Variants in TDRD15 observed in about 807,000 individuals in gnomAD.
TDRD15 encodes the protein tudor domain-containing protein 15.
For synonymous variants in TDRD15, 503 were observed against 314.5 expected (o/e 1.60, Z -6.34); for missense variants, 1,416 against 904.7 (o/e 1.57, Z -7.25).
chr2:21,139,338 C>G lies in TDRD15; in HGVS notation c.1871C>G (p.Ala624Gly), dbSNP rs1338999111. The G allele has an allele frequency of 1.4e-6, 1 of 703,478 alleles. No individual in the cohort carries two copies. The highest frequency in any genetic ancestry group is 1.6e-5 in the South Asian group (1 of 64,278). 43.6% of individuals were successfully genotyped at this position (703,478 alleles called of 1,614,324 possible). ...TTTAAAAAATTAGTTTTGAACAAAG[C>G]AATTTTGCTTCAGGTTATAGCAAAA... The part of the protein sequence containing the change: ...DYFKKLVLNK[A>G]ILLQVIAKKD... Residue 624 changes from alanine to glycine, a missense_variant, in exon 4 of 4, where the codon GCA becomes GGA. Coordinates refer to ENST00000405799, the MANE Select transcript of TDRD15 (RefSeq NM_001306137.2).
At chr2:21,145,094 T>G (rs986211440), downstream of TDRD15, among the ~76,000 whole-genome samples, 17 of 151,986 alleles carry the variant, frequency 1.1e-4, no homozygotes, top group African/African-American at 4.1e-4. Context: ...AGGAGTATTA[T>G]GCTAGGAGAG....
intron 2 of TDRD15, among the ~76,000 whole-genome samples, chr2:21,128,828 A>T (rs1423508669): frequency 6.6e-6 from 1 of 151,582 alleles, no homozygotes; most frequent in African/African-American, 2.4e-5. Flanking sequence ...GTCAGAGAAG[A>T]AATGTATGGC....
intron 3 of TDRD15, among the ~76,000 whole-genome samples, chr2:21,135,948 G>GTA (rs1404866117): frequency 6.6e-6 from 1 of 151,936 alleles, no homozygotes; most frequent in Non-Finnish European, 1.5e-5. Context: ...TCTATGTACT[G>GTA]TATATACCAC....
Position 21,144,346 on chromosome 2 carries a change from TAAATA to T in TDRD15, c.*1079_*1083del, listed in dbSNP as rs1017428272. On this transcript the variant is annotated 3_prime_UTR_variant, in exon 4 of 4. Coordinates refer to ENST00000405799, the MANE Select transcript of TDRD15 (RefSeq NM_001306137.2). Reference sequence around the variant, plus strand: ...CCGGCAAATGTTTGTTTTGACTTTATAAATAAAATGTATATTATTCCACATTCTGT... The same window carrying T: ...CCGGCAAATGTTTGTTTTGACTTTATAAATGTATATTATTCCACATTCTGT... Among the ~76,000 whole-genome samples the T allele has an allele frequency of 3.9e-5, 6 of 151,936 alleles. No individual in the cohort carries two copies. The highest frequency in any genetic ancestry group is 1.4e-4 in the African/African-American group (6 of 41,422).
intron 2 of TDRD15, among the ~76,000 whole-genome samples, chr2:21,134,474 T>C (rs995100392): frequency 6.6e-5 from 10 of 151,934 alleles, no homozygotes; most frequent in Non-Finnish European, 1.5e-4. Flanking sequence ...GGTAGACTGT[T>C]CCATATTTGT....
chr2:21,139,608 T>C lies in TDRD15; in HGVS notation c.2141T>C (p.Val714Ala), dbSNP rs777489595. 29 of 715,150 alleles carry C rather than the reference T, an allele frequency of 4.1e-5. No homozygotes were observed. The South Asian group carries it at 4.2e-4, about 10-fold the overall frequency. 44.3% of individuals were successfully genotyped at this position (715,150 alleles called of 1,614,324 possible). The change falls in exon 4 of 4, where the codon GTG becomes GCG. Residue 714 changes from valine to alanine, a missense_variant. Transcript: ENST00000405799. The part of the protein sequence containing the change: ...KSKKYHSNNL[V>A]ENNLSLPKSL... ...AAAAAGTACCATTCAAATAACCTGG[T>C]GGAAAATAACTTGTCTTTGCCAAAG...
chr2:21,139,556 T>C lies in TDRD15; in HGVS notation c.2089T>C (p.Ser697Pro), dbSNP rs1665879322. 2 of 710,562 alleles carry C rather than the reference T, an allele frequency of 2.8e-6. No homozygotes were observed. Among genetic ancestry groups the C allele is most frequent in the Non-Finnish European group, 5.2e-6 (2 of 382,870 alleles). The allele number at this position is 710,562 out of a possible 1,614,324, so 44.0% of individuals were successfully genotyped here. ...KNKVNIKKVI[S>P]ALLEGPKSKK... ...CAAAGTTAATATTAAAAAAGTCATA[T>C]CTGCCCTTCTTGAAGGACCTAAATC... Residue 697 changes from serine (S) to proline (P), a missense_variant, in exon 4 of 4, where the codon TCT (serine) becomes CCT (proline). By Grantham distance (74) the Ser-to-Pro change is moderately conservative. Transcript: ENST00000405799.
chr2:21,126,798 C>T (rs1251208908), intron 1 of TDRD15, among the ~76,000 whole-genome samples: 2 of 152,150 alleles, frequency 1.3e-5, no homozygotes, highest in Non-Finnish European at 2.9e-5. Context: ...TTTGTATGGA[C>T]ATATACTTTC....
At chr2:21,133,864 A>G (rs1665762299) in intron 2 of TDRD15, among the ~76,000 whole-genome samples, 1 of 152,078 alleles carries the variant, frequency 6.6e-6, no homozygotes, top group Admixed American at 6.6e-5. Flanking sequence ...AATGTACACC[A>G]TAGTTTGAAG....
chr2:21,129,897 C>A (rs1225081146), intron 2 of TDRD15, among the ~76,000 whole-genome samples: 1 of 152,198 alleles, frequency 6.6e-6, no homozygotes, highest in Admixed American at 6.5e-5. Flanking sequence ...CAAGGGGCCA[C>A]CTCTGGTGAG....
Position 21,142,163 on chromosome 2 carries a change from A to G in TDRD15, c.4696A>G (p.Lys1566Glu). 1.5e-6 allele frequency: 1 copy of G among 671,522 alleles called. No individual in the cohort carries two copies. Among genetic ancestry groups the G allele is most frequent in the Non-Finnish European group, 2.7e-6 (1 of 372,394 alleles). 41.6% of individuals were successfully genotyped at this position (671,522 alleles called of 1,614,324 possible). A position where few individuals can be genotyped will look rare whatever the true frequency, so the allele number is the denominator to read the frequency against. ...AGTATTAATTACGAAAGAAGAAAAA[A>G]AATCCCCTTTTTTATCAATGGAAAG... ...LIVLITKEEK[K>E]SPFLSMESIE... The change falls in exon 4 of 4, where the codon AAA (lysine) becomes GAA (glutamate). Residue 1566 changes from lysine (K) to glutamate (E), a missense_variant. By Grantham distance (56) the Lys-to-Glu change is moderately conservative (BLOSUM62 1). Transcript: ENST00000405799.
chr2:21,141,444 A>G lies in TDRD15; in HGVS notation c.3977A>G (p.Asp1326Gly), dbSNP rs970232626. ...ENESVIIRLADALNATARRLR... is the reference protein window; with the variant it reads ...ENESVIIRLAGALNATARRLR... Reference sequence around the variant, plus strand: ...GAAAGTGTAATTATCAGACTTGCTGATGCTCTAAATGCAACAGCAAGGAGA... The same window carrying G: ...GAAAGTGTAATTATCAGACTTGCTGGTGCTCTAAATGCAACAGCAAGGAGA... The change falls in exon 4 of 4, where the codon GAT (aspartate) becomes GGT (glycine). Residue 1326 changes from aspartate (D) to glycine (G), a missense_variant. Asp to Gly is a moderately conservative substitution (Grantham distance 94). Coordinates refer to ENST00000405799, the MANE Select transcript of TDRD15 (RefSeq NM_001306137.2). The G allele has an allele frequency of 8.4e-6, 6 of 712,358 alleles. No homozygotes were observed. In the Admixed American group the frequency reaches 1.2e-4, roughly 14 times the overall value. 44.1% of individuals were successfully genotyped at this position (712,358 alleles called of 1,614,324 possible).
chr2:21,147,108 A>G (rs1026344694), downstream of TDRD15, among the ~76,000 whole-genome samples: 4 of 152,238 alleles, frequency 2.6e-5, no homozygotes, highest in East Asian at 5.8e-4. Flanking sequence ...AACTGTTAGA[A>G]ATATAATCAT....
rs930240485 is a variant in TDRD15 at position 21,139,107 on chromosome 2, G to A, written c.1640G>A (p.Arg547His). The stretch of plus-strand genomic sequence containing the variant: ...TGTGCTAGATATAGCAAGGACAGAC[G>A]TTTTTACAGAGCTGTCATCACTGAA... ...FCCARYSKDR[R>H]FYRAVITEIN... The change falls in exon 4 of 4, where the codon CGT becomes CAT. Residue 547 changes from arginine to histidine, a missense_variant. By Grantham distance (29) the Arg-to-His change is conservative. Transcript: ENST00000405799. The A allele has an allele frequency of 7.0e-6, 5 of 714,512 alleles. No homozygotes were observed. Among genetic ancestry groups the A allele is most frequent in the Non-Finnish European group, 1.3e-5 (5 of 383,736 alleles). The allele number at this position is 714,512 out of a possible 1,614,324, so 44.3% of individuals were successfully genotyped here.
chr2:21,130,249 G>C (rs1343332082), intron 2 of TDRD15, among the ~76,000 whole-genome samples: 1 of 152,152 alleles, frequency 6.6e-6, no homozygotes, highest in Non-Finnish European at 1.5e-5. Flanking sequence ...TCCATTTTCA[G>C]TTGCTTTTTG....
rs1665878616 is a variant in TDRD15, at chr2:21,139,526, A to G, written c.2059A>G (p.Lys687Glu). 1 of 700,592 alleles carries G rather than the reference A, an allele frequency of 1.4e-6. No homozygotes were observed. Among genetic ancestry groups the G allele is most frequent in the African/African-American group, 1.8e-5 (1 of 56,060 alleles). The allele number at this position is 700,592 out of a possible 1,614,324, so 43.4% of individuals were successfully genotyped here. A position where few individuals can be genotyped will look rare whatever the true frequency, so the allele number is the denominator to read the frequency against. ...SEYSMLNSESKNKVNIKKVIS... is the reference protein window; with the variant it reads ...SEYSMLNSESENKVNIKKVIS... ...ATATTCAATGCTAAATTCAGAATCT[A>G]AAAACAAAGTTAATATTAAAAAAGT... Residue 687 changes from lysine to glutamate, a missense_variant, in exon 4 of 4, where the codon AAA becomes GAA. By Grantham distance (56) the Lys-to-Glu change is moderately conservative. Transcript: ENST00000405799.
rs1234551292 is a variant in TDRD15 at position 21,137,507 on chromosome 2, G to A, written c.40G>A (p.Asp14Asn). The A allele has an allele frequency of 2.9e-6, 2 of 678,804 alleles. No individual in the cohort carries two copies. Among genetic ancestry groups the A allele is most frequent in the Non-Finnish European group, 5.4e-6 (2 of 371,400 alleles). The allele number at this position is 678,804 out of a possible 1,614,324, so 42.0% of individuals were successfully genotyped here. The change falls in exon 4 of 4, where the codon GAT (aspartate) becomes AAT (asparagine). Residue 14 changes from aspartate (D) to asparagine (N), a missense_variant. Physicochemically the swap from Asp to Asn is conservative, Grantham distance 23 (BLOSUM62 1). Coordinates refer to ENST00000405799, the MANE Select transcript of TDRD15 (RefSeq NM_001306137.2). ...TTTCTTACCAACATTTTTAGATGTG[G>A]ATCTGACAATATCACATATTAAATG... ...TSFLPTFLDVDLTISHIKCLP... is the reference protein window; with the variant it reads ...TSFLPTFLDVNLTISHIKCLP...
intron 2 of TDRD15, among the ~76,000 whole-genome samples, chr2:21,128,313 G>T (rs1665638919): frequency 2.7e-5 from 4 of 148,968 alleles, no homozygotes; most frequent in Admixed American, 6.7e-5. Flanking sequence ...TCTGTCATTT[G>T]TCTATTCATA....
chr2:21,140,728 T>A lies in TDRD15; in HGVS notation c.3261T>A (p.Asp1087Glu). 1.4e-6 allele frequency: 1 copy of A among 714,008 alleles called. No individual in the cohort carries two copies. The highest frequency in any genetic ancestry group is 2.6e-6 in the Non-Finnish European group (1 of 383,182). 44.2% of individuals were successfully genotyped at this position (714,008 alleles called of 1,614,324 possible). Residue 1087 changes from aspartate (D) to glutamate (E), a missense_variant, in exon 4 of 4, where the codon GAT becomes GAA. Physicochemically the swap from Asp to Glu is conservative, Grantham distance 45. Coordinates refer to ENST00000405799, the MANE Select transcript of TDRD15 (RefSeq NM_001306137.2). Reference sequence around the variant, plus strand: ...AGTGTTTTTTGTCAGATCTTAGGGATGTAGATATTCCAGCAGAAATCAGTA... The same window carrying A: ...AGTGTTTTTTGTCAGATCTTAGGGAAGTAGATATTCCAGCAGAAATCAGTA... ...AIKCFLSDLR[D>E]VDIPAEISSW...
Sources: gnomAD v4.1 joint callset for allele counts (sites outside exome capture counted in the v4.1 genomes callset) on GRCh38, gnomAD v4.1.1 for gene constraint, MANE v1.5 for transcripts, NCBI Gene and HGNC (gene_info 2026-07-23, HGNC 2026-07-21) for gene names.